Variants in PBRM1 observed in about 807,000 individuals in gnomAD.
PBRM1 encodes the protein protein polybromo-1.
Under a neutral mutation model 194.5 loss-of-function variants are expected in PBRM1, and 27 were observed. The observed-to-expected ratio is 0.14, with a 90% CI of 0.10 to 0.19. PBRM1 has a LOEUF of 0.19. Among genes scored for constraint, PBRM1 ranks in the 10% least tolerant of loss-of-function variants. The pLI is 1.00. For synonymous variants in PBRM1, 655 were observed against 693.2 expected (o/e 0.94, Z 0.87); for missense variants, 1,466 against 2,077.2 (o/e 0.71, Z 5.72).
rs532321413 is a variant in PBRM1, at chr3:52,576,824, T to A, written c.3534-126A>T. The A allele has an allele frequency of 5.6e-5, 31 of 552,498 alleles. No individual in the cohort carries two copies. In the African/African-American group the frequency reaches 6.1e-4, roughly 11 times the overall value. The allele number at this position is 552,498 out of a possible 1,614,324, so 34.2% of individuals were successfully genotyped here. A position where few individuals can be genotyped will look rare whatever the true frequency, so the allele number is the denominator to read the frequency against. On this transcript the variant is annotated intron_variant, in intron 21 of 29. Transcript: ENST00000296302. ...TTCAGAGGAGTTTCACTGGCTGTTT[T>A]GGTAAGACAACTTCATTAATTTTTT...
intron 22 of PBRM1, among the ~76,000 whole-genome samples, chr3:52,571,260 T>C (rs916915363): frequency 3.4e-5 from 5 of 147,702 alleles, no homozygotes; most frequent in African/African-American, 1.3e-4. Flanking sequence ...GAGGTGGAGG[T>C]TGCAGTGAGC....
intron 1 of PBRM1, chr3:52,685,533 T>C (rs1251408400): frequency 6.6e-6 from 1 of 151,778 alleles, no homozygotes. Flanking sequence ...CGACCCGTAG[T>C]GCGCCTTTGT....
rs141216949 is a variant in PBRM1, at chr3:52,665,079, ACTT to A, written c.385-2806_385-2804del. 2.6e-3 allele frequency among the ~76,000 whole-genome samples: 389 copies of A among 152,364 alleles called. 16 individuals carry two copies. In the East Asian group the frequency reaches 0.068, roughly 27 times the overall value. On this transcript the variant is annotated intron_variant, in intron 3 of 29. Coordinates refer to ENST00000296302, the Ensembl canonical transcript of PBRM1. ...GGAACTACAATCATACTGGCGGATGACTTCTCAATAGCAAAATGGAATGAAGAA... is the reference window on the plus strand; with the variant it reads ...GGAACTACAATCATACTGGCGGATGACTCAATAGCAAAATGGAATGAAGAA...
At chr3:52,566,165 T>TAA (rs546026504) in intron 22 of PBRM1, among the ~76,000 whole-genome samples, 1 of 147,282 alleles carries the variant, frequency 6.8e-6, no homozygotes, top group Non-Finnish European at 1.5e-5. Context: ...ATGCCTGTAT[T>TAA]AAAAAAAAAA....
chr3:52,565,922 C>T lies in PBRM1; in HGVS notation c.3692-1689G>A, dbSNP rs532583940. On this transcript the variant is annotated intron_variant, in intron 22 of 29. Transcript: ENST00000296302. ...AAAATTAGCGGGGTGTGGTTGCAGG[C>T]GCCTGTAGTCCCAGCTAGTCATGAG... is the stretch of plus-strand genomic sequence containing the variant. Among the ~76,000 whole-genome samples, 103 of 152,062 alleles carry T rather than the reference C, an allele frequency of 6.8e-4. No individual in the cohort carries two copies. In the Middle Eastern group the frequency reaches 0.01, roughly 15 times the overall value.
At chr3:52,670,632 G>A (rs919812446) in intron 2 of PBRM1, among the ~76,000 whole-genome samples, 4 of 152,146 alleles carry the variant, frequency 2.6e-5, no homozygotes, top group African/African-American at 4.8e-5. Flanking sequence ...ACAGCCTGCC[G>A]GCTACTCCCT....
chr3:52,643,223 TC>T, intron 9 of PBRM1, 24 bp downstream of exon 10: 2 of 1,507,718 alleles, frequency 1.3e-6, no homozygotes, highest in Non-Finnish European at 1.8e-6. Context: ...AGGTCAACTC[TC>T]AGACTAAACA....
upstream of PBRM1, among the ~76,000 whole-genome samples, chr3:52,682,956 T>C (rs1163279246): frequency 3.3e-5 from 5 of 152,010 alleles, no homozygotes; most frequent in African/African-American, 1.2e-4. Flanking sequence ...TCCCAGCGCT[T>C]TGGGAGGCTA....
chr3:52,672,071 A>G (rs1010345744), intron 2 of PBRM1, among the ~76,000 whole-genome samples: 1 of 152,200 alleles, frequency 6.6e-6, no homozygotes, highest in Non-Finnish European at 1.5e-5. Flanking sequence ...CTGGTCTAAA[A>G]TCAAGGTATT....
chr3:52,570,960 C>T (rs545848367), intron 22 of PBRM1, among the ~76,000 whole-genome samples: 4 of 151,086 alleles, frequency 2.6e-5, no homozygotes, highest in South Asian at 2.1e-4. Flanking sequence ...TGGTGTCAAG[C>T]GACTCTCCCA....
chr3:52,643,576 A>G (rs886436910), intron 8 of PBRM1, among the ~76,000 whole-genome samples: 11 of 152,176 alleles, frequency 7.2e-5, no homozygotes, highest in African/African-American at 2.7e-4. Context: ...AGGACCTGGT[A>G]CTGAAACAAT....
At chr3:52,672,669 T>C (rs1182053059) in intron 2 of PBRM1, among the ~76,000 whole-genome samples, 2 of 151,374 alleles carry the variant, frequency 1.3e-5, no homozygotes, top group African/African-American at 4.9e-5. Flanking sequence ...TAATTTTGTA[T>C]TTTTAGTAGA....
At chr3:52,569,359 C>T (rs924594450) in intron 22 of PBRM1, among the ~76,000 whole-genome samples, 1 of 151,994 alleles carries the variant, frequency 6.6e-6, no homozygotes, top group African/African-American at 2.4e-5. Context: ...TACAGGCGCC[C>T]GCCGCCATGC....
At chr3:52,608,954 G>A (rs940485526) in intron 16 of PBRM1, 27 of 202,780 alleles carry the variant, frequency 1.3e-4, no homozygotes, top group Admixed American at 1.2e-3. Flanking sequence ...TAAAGCATTC[G>A]TGCACTGAAG....
intron 25 of PBRM1, among the ~76,000 whole-genome samples, 194 bp from the exon 28 acceptor site, chr3:52,558,607 C>T (rs2153459537): frequency 6.6e-6 from 1 of 152,270 alleles, no homozygotes; most frequent in African/African-American, 2.4e-5. Context: ...CTTTCCTATC[C>T]CATCTTGAGA....
chr3:52,587,220 T>A, intron 19 of PBRM1, 133 bp downstream of exon 21: 2 of 665,840 alleles, frequency 3.0e-6, no homozygotes, highest in Non-Finnish European at 5.1e-6. Context: ...TCTTTTCATA[T>A]AGCTATATAG....
At chr3:52,648,027 G>GC (rs1032052699) in intron 7 of PBRM1, among the ~76,000 whole-genome samples, 1 of 151,562 alleles carries the variant, frequency 6.6e-6, no homozygotes, top group African/African-American at 2.4e-5. Flanking sequence ...TCCTACCTCA[G>GC]CCTCCCGATT....
rs544376833 is a variant in PBRM1 at position 52,553,840 on chromosome 3, T to G, written c.4609+884A>C. Among the ~76,000 whole-genome samples the G allele has an allele frequency of 5.3e-5, 8 of 152,166 alleles. No individual in the cohort carries two copies. In the East Asian group the frequency reaches 1.5e-3, roughly 29 times the overall value. On this transcript the variant is annotated intron_variant, in intron 27 of 29. Transcript: ENST00000296302. Reference sequence around the variant, plus strand: ...CCACGCCCAGCTAATTTTTGTATTTTTAGTAAAGACGGTGTTTCACCATAT... The same window carrying G: ...CCACGCCCAGCTAATTTTTGTATTTGTAGTAAAGACGGTGTTTCACCATAT...
At chr3:52,592,927 T>C (rs1310555910) in intron 17 of PBRM1, among the ~76,000 whole-genome samples, 6 of 152,236 alleles carry the variant, frequency 3.9e-5, no homozygotes, top group Non-Finnish European at 7.3e-5. Flanking sequence ...TCTTCTAGAT[T>C]TTCTAGTTTG....
Sources: allele counts gnomAD v4.1 joint callset (sites outside exome capture counted in the v4.1 genomes callset), GRCh38; gene constraint gnomAD v4.1.1; transcripts MANE v1.5; gene names NCBI Gene and HGNC (gene_info 2026-07-23, HGNC 2026-07-21).